Variants in TTC6 observed in about 807,000 individuals in gnomAD.
TTC6 encodes the protein tetratricopeptide repeat protein 6.
Under a neutral mutation model 210.4 loss-of-function variants are expected in TTC6, and 172 were observed. That is an observed-to-expected ratio of 0.82 (90% CI 0.72 to 0.93). The LOEUF is 0.93. Ranked by LOEUF, TTC6 falls within the 40% of genes least tolerant of loss-of-function variation. The probability of loss-of-function intolerance (pLI) is 0.00; values close to 1 mark genes in which losing one functional copy is unlikely to be tolerated. For missense variants in TTC6, 2,414 were observed against 2,318.1 expected, an observed-to-expected ratio of 1.04 and a Z score of -0.85; for synonymous variants, 804 against 819.6, an observed-to-expected ratio of 0.98 and a Z score of 0.32.
At chr14:37,629,894 T>C (rs916539014) in intron 1 of TTC6, among the ~76,000 whole-genome samples, 2 of 152,212 alleles carry the variant, frequency 1.3e-5, no homozygotes, top group African/African-American at 4.8e-5. Context: ...GTTCTGTTTA[T>C]GTGATGAATT....
In TTC6 at chr14:37,738,790, T is replaced by C. The variant is rs181395018; in HGVS notation, c.1998T>C (p.Ser666=). The C allele has an allele frequency of 1.7e-4, 251 of 1,500,810 alleles. 4 individuals carry two copies. In the Admixed American group the frequency reaches 5.6e-3, roughly 34 times the overall value. 93.0% of individuals were successfully genotyped at this position (1,500,810 alleles called of 1,614,324 possible). The change falls in exon 10 of 31, where the codon TCT becomes TCC. Residue 666 remains serine (S), a synonymous_variant. Transcript: ENST00000553443. ...TGCTTACTAAGCGAGTAAAATCTTC[T>C]GTAGACTTGAGGAAGGAGAAGATCA...
chr14:37,751,823 CTTT>C (rs71127240), intron 13 of TTC6, among the ~76,000 whole-genome samples: 3 of 125,504 alleles, frequency 2.4e-5, no homozygotes, highest in Non-Finnish European at 1.6e-5. Flanking sequence ...AGGAAATGAA[CTTT>C]TTTTTTTTTT....
At chr14:37,740,936 C>G (rs1269286920) in intron 10 of TTC6, among the ~76,000 whole-genome samples, 1 of 152,110 alleles carries the variant, frequency 6.6e-6, no homozygotes, top group Non-Finnish European at 1.5e-5. Context: ...TGATCAAATG[C>G]TGCTTCTGTG....
chr14:37,651,426 T>TATATATATATATA (rs1491101068), intron 1 of TTC6, among the ~76,000 whole-genome samples: 6 of 15,130 alleles, frequency 4.0e-4, no homozygotes, highest in Non-Finnish European at 4.4e-4. Flanking sequence ...TATATATATA[T>TATATATATATATA]TTTTTTTTTT....
chr14:37,812,271 G>A, intron 24 of TTC6, 43 bp from the exon 27 acceptor site: 1 of 1,592,254 alleles, frequency 6.3e-7, no homozygotes, highest in Non-Finnish European at 8.6e-7. Flanking sequence ...AATGAATTCA[G>A]GCTCTAAAAA....
intron 1 of TTC6, among the ~76,000 whole-genome samples, chr14:37,635,845 G>A (rs570349162): frequency 6.6e-6 from 1 of 152,020 alleles, no homozygotes; most frequent in East Asian, 1.9e-4. Flanking sequence ...CAGGTGTGGT[G>A]GTGCATGCCT....
At position 37,805,747 on chromosome 14, in the gene TTC6, G is replaced by C. The variant is rs576973656; in HGVS notation, c.4165-614G>C. Among the ~76,000 whole-genome samples the C allele has an allele frequency of 1.8e-4, 28 of 152,122 alleles. 1 individual carries two copies. The highest frequency in any genetic ancestry group is 6.8e-3 in the Middle Eastern group (2 of 294). ...GATGGAGTTTCGCTCTGTCGCCAGG[G>C]TGGAGTGCAGTGGCGCGATCTCGGC... On this transcript the variant is annotated intron_variant, in intron 21 of 30. Transcript: ENST00000553443.
intron 29 of TTC6, among the ~76,000 whole-genome samples, chr14:37,839,396 G>T (rs1192872198): frequency 2.0e-5 from 3 of 152,216 alleles, no homozygotes; most frequent in African/African-American, 7.2e-5. Flanking sequence ...CTAAAGACCA[G>T]TGATGATGAG....
chr14:37,695,802 CA>C (rs2095813715), intron 3 of TTC6, among the ~76,000 whole-genome samples: 1 of 150,978 alleles, frequency 6.6e-6, no homozygotes, highest in Admixed American at 6.6e-5. Flanking sequence ...GAAAACACTT[CA>C]TGTACCCCAT....
intron 15 of TTC6, among the ~76,000 whole-genome samples, chr14:37,788,255 G>A (rs952742069): frequency 5.9e-5 from 9 of 152,090 alleles, no homozygotes; most frequent in African/African-American, 1.7e-4. Context: ...TAGAGTCAGT[G>A]CTCAGTAAAC....
intron 5 of TTC6, among the ~76,000 whole-genome samples, chr14:37,704,822 C>A (rs539014362): frequency 1.3e-5 from 2 of 151,994 alleles, no homozygotes; most frequent in Admixed American, 6.6e-5. Flanking sequence ...CTTCTAGTAA[C>A]TTTGTGGTTT....
At chr14:37,791,535 C>T (rs1380761340) in intron 16 of TTC6, among the ~76,000 whole-genome samples, 1 of 152,118 alleles carries the variant, frequency 6.6e-6, no homozygotes, top group African/African-American at 2.4e-5. Flanking sequence ...GAACTTGACA[C>T]AGGAAATTCA....
intron 11 of TTC6, 133 bp from the exon 14 acceptor site, chr14:37,749,581 C>T (rs1262592629): frequency 5.8e-6 from 6 of 1,026,806 alleles, no homozygotes; most frequent in Admixed American, 3.9e-5. Flanking sequence ...TTTTGTTTGT[C>T]AGATTGGGAG....
intron 1 of TTC6, among the ~76,000 whole-genome samples, chr14:37,625,114 C>A (rs1284202454): frequency 2.0e-5 from 3 of 151,988 alleles, no homozygotes; most frequent in Non-Finnish European, 4.4e-5. Context: ...TTTTGACACC[C>A]CCACCCCACA....
intron 26 of TTC6, among the ~76,000 whole-genome samples, chr14:37,823,027 C>T (rs2096161542): frequency 6.6e-6 from 1 of 152,168 alleles, no homozygotes; most frequent in Non-Finnish European, 1.5e-5. Flanking sequence ...ATCCTAGACT[C>T]TCTCCATGTT....
At chr14:37,778,460 G>A (rs1218823083) in intron 14 of TTC6, among the ~76,000 whole-genome samples, 1 of 151,602 alleles carries the variant, frequency 6.6e-6, no homozygotes, top group Non-Finnish European at 1.5e-5. Flanking sequence ...AGCAGTGAGG[G>A]TGGCAGAGTA....
chr14:37,656,733 A>G (rs2095724254), intron 1 of TTC6, among the ~76,000 whole-genome samples: 1 of 152,124 alleles, frequency 6.6e-6, no homozygotes, highest in African/African-American at 2.4e-5. Context: ...AGGTGAGAGA[A>G]AGGAGAGACA....
exon 30 of TTC6, chr14:37,841,560 T>G (rs2139063337): frequency 6.2e-7 from 1 of 1,607,494 alleles, no homozygotes; most frequent in Non-Finnish European, 8.5e-7. Context: ...AAAGAAGATT[T>G]TGCAAATGTA....
At chr14:37,685,752 T>A (rs2095792460) in intron 3 of TTC6, among the ~76,000 whole-genome samples, 1 of 152,130 alleles carries the variant, frequency 6.6e-6, no homozygotes, top group African/African-American at 2.4e-5. Flanking sequence ...GATAGATGGG[T>A]TTAAGCTTGT....
Sources: gnomAD v4.1 joint callset for allele counts (sites outside exome capture counted in the v4.1 genomes callset) on GRCh38, gnomAD v4.1.1 for gene constraint, MANE v1.5 for transcripts, NCBI Gene and HGNC (gene_info 2026-07-23, HGNC 2026-07-21) for gene names.